Variants in PIBF1 observed in about 807,000 individuals in gnomAD.
PIBF1 encodes progesterone immunomodulatory binding factor 1.
PIBF1 carries 90 observed loss-of-function variants against 112.5 expected under a neutral mutation model. The ratio of observed to expected loss-of-function variants is 0.80; its 90% confidence interval spans 0.67 to 0.95. The LOEUF (loss-of-function observed/expected upper bound fraction) is 0.95. Among genes scored for constraint, PIBF1 ranks in the 40% least tolerant of loss-of-function variants. The pLI is 0.00. For synonymous variants in PIBF1, 301 were observed against 288.6 expected, an observed-to-expected ratio of 1.04 and a Z score of -0.44; for missense variants, 915 against 852.3, an observed-to-expected ratio of 1.07 and a Z score of -0.92.
intron 16 of PIBF1, among the ~76,000 whole-genome samples, chr13:72,981,436 CAG>C (rs1171263104): frequency 6.6e-6 from 1 of 151,924 alleles, no homozygotes; most frequent in Non-Finnish European, 1.5e-5. Flanking sequence ...AGATCCATAG[CAG>C]AGTCATGGGA....
At chr13:73,002,983 CAA>C (rs1161228077) in intron 17 of PIBF1, among the ~76,000 whole-genome samples, 1 of 57,518 alleles carries the variant, frequency 1.7e-5, no homozygotes, top group Non-Finnish European at 2.9e-5. Context: ...ACTCTGGTCT[CAA>C]AAAAAAAAAA....
chr13:72,959,525 C>T (rs2042548717), intron 14 of PIBF1, among the ~76,000 whole-genome samples: 1 of 152,160 alleles, frequency 6.6e-6, no homozygotes, highest in African/African-American at 2.4e-5. Flanking sequence ...AAATTCCACT[C>T]AGCAGTATTC....
At chr13:72,894,057 CAAAAAA>C (rs66856837) in intron 11 of PIBF1, 108 bp downstream of exon 11, 7 of 82,702 alleles carry the variant, frequency 8.5e-5, no homozygotes, top group African/African-American at 2.3e-4. Context: ...CTATCCTGCA[CAAAAAA>C]AAAAAAAAAA....
chr13:72,998,510 A>G (rs997939755), intron 16 of PIBF1, among the ~76,000 whole-genome samples: 2 of 152,022 alleles, frequency 1.3e-5, no homozygotes, highest in African/African-American at 2.4e-5. Context: ...GCCACACCAC[A>G]TCAATTATCT....
At chr13:72,967,578 A>G (rs144216695) in intron 15 of PIBF1, among the ~76,000 whole-genome samples, 7 of 152,232 alleles carry the variant, frequency 4.6e-5, no homozygotes, top group Non-Finnish European at 4.4e-5. Context: ...CTGCCCCTCT[A>G]TGTTCTATTC....
intron 12 of PIBF1, among the ~76,000 whole-genome samples, chr13:72,909,551 A>G (rs183127089): frequency 7.3e-5 from 11 of 151,598 alleles, no homozygotes; most frequent in African/African-American, 2.7e-4. Flanking sequence ...CTGGATTGCA[A>G]CGGTGTGATC....
chr13:72,912,239 G>A (rs956531055), intron 12 of PIBF1, among the ~76,000 whole-genome samples: 1 of 151,964 alleles, frequency 6.6e-6, no homozygotes, highest in African/African-American at 2.4e-5. Flanking sequence ...AATTTGTATT[G>A]TTTAAACCAT....
At chr13:72,850,707 CT>C (rs1203297279) in intron 9 of PIBF1, among the ~76,000 whole-genome samples, 1 of 152,178 alleles carries the variant, frequency 6.6e-6, no homozygotes, top group African/African-American at 2.4e-5. Context: ...GATTTACTGA[CT>C]AAAATATTTA....
At chr13:72,789,896 C>T (rs1489978761) in intron 2 of PIBF1, among the ~76,000 whole-genome samples, 4 of 151,994 alleles carry the variant, frequency 2.6e-5, no homozygotes, top group Admixed American at 6.5e-5. Context: ...TTGGGATGCT[C>T]AACATGTAAC....
chr13:72,892,581 TA>T (rs1398668365), intron 10 of PIBF1, among the ~76,000 whole-genome samples: 17 of 152,116 alleles, frequency 1.1e-4, no homozygotes, highest in Admixed American at 1.1e-3. Context: ...TCCTGAAATT[TA>T]CTAGCAGTGT....
At chr13:72,922,390 T>A (rs2041329588) in intron 13 of PIBF1, among the ~76,000 whole-genome samples, 1 of 152,190 alleles carries the variant, frequency 6.6e-6, no homozygotes, top group South Asian at 2.1e-4. Flanking sequence ...AAATCTGAAG[T>A]AATGTTTTCC....
At chr13:72,931,718 GTATATATATATATA>G (rs3077704) in intron 14 of PIBF1, among the ~76,000 whole-genome samples, 5 of 101,974 alleles carry the variant, frequency 4.9e-5, no homozygotes, top group South Asian at 3.9e-4. Flanking sequence ...TTTAAACTAC[GTATATATATATATA>G]TATATATATA....
At chr13:72,791,143 C>T (rs1007163421) in intron 2 of PIBF1, among the ~76,000 whole-genome samples, 6 of 152,132 alleles carry the variant, frequency 3.9e-5, no homozygotes, top group South Asian at 2.1e-4. Flanking sequence ...CAACCTCCGC[C>T]TCCCGGGTTC....
At chr13:72,930,641 A>G (rs544098238) in intron 13 of PIBF1, among the ~76,000 whole-genome samples, 5 of 152,206 alleles carry the variant, frequency 3.3e-5, no homozygotes, top group African/African-American at 9.6e-5. Flanking sequence ...AGCCTTTACT[A>G]TAGACATTCT....
chr13:72,991,003 C>G (rs1467600981), intron 16 of PIBF1, among the ~76,000 whole-genome samples: 1 of 152,198 alleles, frequency 6.6e-6, no homozygotes, highest in African/African-American at 2.4e-5. Flanking sequence ...AAAGCACTTC[C>G]ATTTACCAGT....
At chr13:72,790,647 AGG>A (rs758300579) in intron 2 of PIBF1, among the ~76,000 whole-genome samples, 11 of 152,162 alleles carry the variant, frequency 7.2e-5, no homozygotes, top group Non-Finnish European at 1.3e-4. Flanking sequence ...AGTAAGTCAA[AGG>A]GGTAGTCCAG....
At chr13:72,789,799 G>A (rs541685216) in intron 2 of PIBF1, among the ~76,000 whole-genome samples, 1 of 152,014 alleles carries the variant, frequency 6.6e-6, no homozygotes, top group South Asian at 2.1e-4. Flanking sequence ...AAATCCAAAA[G>A]GGTCAACTGA....
chr13:72,843,778 C>T (rs2037717028), intron 9 of PIBF1, among the ~76,000 whole-genome samples: 1 of 152,142 alleles, frequency 6.6e-6, no homozygotes, highest in African/African-American at 2.4e-5. Context: ...TGAGATCACA[C>T]AGCTTTTTAC....
chr13:73,009,108 T>C (rs1260842768), intron 17 of PIBF1, among the ~76,000 whole-genome samples: 1 of 152,188 alleles, frequency 6.6e-6, no homozygotes, highest in Non-Finnish European at 1.5e-5. Flanking sequence ...ATATGGTTGC[T>C]CTGGCCTCAG....
Sources: allele counts gnomAD v4.1 joint callset (sites outside exome capture counted in the v4.1 genomes callset), GRCh38; gene constraint gnomAD v4.1.1; transcripts MANE v1.5; gene names NCBI Gene and HGNC (gene_info 2026-07-23, HGNC 2026-07-21).